The following CTNNA3 variants were observed in gnomAD, a reference collection of about 807,000 sequenced individuals.
CTNNA3 encodes the protein catenin alpha-3.
CTNNA3 carries 76 observed loss-of-function variants against 95.7 expected under a neutral mutation model. The observed-to-expected ratio is 0.79, with a 90% CI of 0.66 to 0.96. The LOEUF is 0.96. Among genes scored for constraint, CTNNA3 ranks in the 40% least tolerant of loss-of-function variants. The probability of loss-of-function intolerance (pLI) is 0.00; values close to 1 mark genes in which losing one functional copy is unlikely to be tolerated. For synonymous variants in CTNNA3, 431 were observed against 374.4 expected (o/e 1.15, Z -1.74); for missense variants, 1,191 against 1,089.8 (o/e 1.09, Z -1.31).
At chr10:66,698,641 G>A (rs1017881305) in intron 9 of CTNNA3, among the ~76,000 whole-genome samples, 13 of 152,126 alleles carry the variant, frequency 8.5e-5, no homozygotes, top group East Asian at 1.9e-4. Context: ...AATAGTTCAC[G>A]TAAGATGCAA....
chr10:66,824,335 T>C (rs1011115891), intron 7 of CTNNA3, among the ~76,000 whole-genome samples: 1 of 152,186 alleles, frequency 6.6e-6, no homozygotes, highest in African/African-American at 2.4e-5. Context: ...AGGATACAGC[T>C]AAGCATTTTA....
intron 7 of CTNNA3, among the ~76,000 whole-genome samples, chr10:66,874,096 T>C (rs1844518200): frequency 7.1e-6 from 1 of 140,972 alleles, no homozygotes; most frequent in South Asian, 2.3e-4. Context: ...ATAAAGCCAT[T>C]TGGGAGTCCT....
At chr10:66,777,533 T>C (rs556249266) in intron 7 of CTNNA3, among the ~76,000 whole-genome samples, 3 of 152,222 alleles carry the variant, frequency 2.0e-5, no homozygotes, top group Non-Finnish European at 4.4e-5. Flanking sequence ...CTACTCAGCA[T>C]TCTCTATGCT....
chr10:66,151,306 C>G (rs1259781172), intron 13 of CTNNA3, among the ~76,000 whole-genome samples: 1 of 151,688 alleles, frequency 6.6e-6, no homozygotes, highest in African/African-American at 2.4e-5. Flanking sequence ...AAAGTTTTCA[C>G]GAAGAAGCTC....
intron 10 of CTNNA3, among the ~76,000 whole-genome samples, chr10:66,619,306 A>C (rs1227233857): frequency 2.9e-4 from 42 of 146,258 alleles, no homozygotes; most frequent in African/African-American, 8.8e-4. Context: ...GACTTGGAAC[A>C]AACCCAAATG....
chr10:66,759,054 T>C (rs560825400), intron 9 of CTNNA3, among the ~76,000 whole-genome samples: 2 of 152,308 alleles, frequency 1.3e-5, no homozygotes, highest in Non-Finnish European at 2.9e-5. Context: ...CTATCTGAAA[T>C]TGAAAGTTGG....
At chr10:66,809,806 CTTT>C (rs71035181) in intron 7 of CTNNA3, among the ~76,000 whole-genome samples, 3 of 142,362 alleles carry the variant, frequency 2.1e-5, no homozygotes. Context: ...TTGCTGATTT[CTTT>C]TTTTTTTTTT....
intron 7 of CTNNA3, among the ~76,000 whole-genome samples, chr10:66,870,665 C>T (rs754088850): frequency 6.6e-6 from 1 of 152,158 alleles, no homozygotes; most frequent in Non-Finnish European, 1.5e-5. Flanking sequence ...ATTTCACCAT[C>T]TCTCCTCTGT....
chr10:66,180,703 A>T (rs1444380412), intron 13 of CTNNA3, among the ~76,000 whole-genome samples: 1 of 152,170 alleles, frequency 6.6e-6, no homozygotes, highest in Admixed American at 6.6e-5. Flanking sequence ...GTCTGAAAAG[A>T]TTATTCTGAG....
chr10:67,153,135 C>T (rs1564927684), intron 7 of CTNNA3, among the ~76,000 whole-genome samples: 1 of 152,042 alleles, frequency 6.6e-6, no homozygotes, highest in East Asian at 1.9e-4. Flanking sequence ...ACCACCACAC[C>T]CAGCTAATTT....
intron 9 of CTNNA3, among the ~76,000 whole-genome samples, chr10:66,677,564 G>A: frequency 6.6e-6 from 1 of 152,092 alleles, no homozygotes. Flanking sequence ...ATTGAATCAT[G>A]TGGGCGGAGC....
intron 5 of CTNNA3, among the ~76,000 whole-genome samples, chr10:67,514,948 C>T (rs763676104): frequency 1.3e-5 from 2 of 152,030 alleles, no homozygotes; most frequent in East Asian, 1.9e-4. Context: ...ACCTAAGTGC[C>T]ACCAATAAAC....
At chr10:66,182,515 A>G (rs531063735) in intron 13 of CTNNA3, among the ~76,000 whole-genome samples, 13 of 152,158 alleles carry the variant, frequency 8.5e-5, no homozygotes, top group Admixed American at 6.5e-4. Context: ...TCGGCCTCCC[A>G]AAGTGCTGGG....
At chr10:66,385,971 C>T (rs546543387) in intron 11 of CTNNA3, among the ~76,000 whole-genome samples, 2 of 152,168 alleles carry the variant, frequency 1.3e-5, no homozygotes, top group South Asian at 4.1e-4. Flanking sequence ...TATGACAAAC[C>T]CACAGCCCCC....
At chr10:66,534,855 T>A (rs1253529975) in intron 10 of CTNNA3, among the ~76,000 whole-genome samples, 2 of 151,606 alleles carry the variant, frequency 1.3e-5, no homozygotes, top group African/African-American at 4.9e-5. Flanking sequence ...GTATTAAAGT[T>A]TGGAAAGAAC....
intron 7 of CTNNA3, among the ~76,000 whole-genome samples, chr10:67,040,467 G>A (rs1854324673): frequency 6.6e-6 from 1 of 152,026 alleles, no homozygotes; most frequent in Non-Finnish European, 1.5e-5. Context: ...TTGGATTTGA[G>A]AGTGCCATGA....
At chr10:67,581,801 T>G (rs896479869) in intron 3 of CTNNA3, among the ~76,000 whole-genome samples, 3 of 152,212 alleles carry the variant, frequency 2.0e-5, no homozygotes, top group African/African-American at 7.2e-5. Flanking sequence ...GGTGTATGTG[T>G]CCAGGAATTT....
intron 7 of CTNNA3, among the ~76,000 whole-genome samples, chr10:66,872,773 G>C (rs1844463529): frequency 6.6e-6 from 1 of 151,898 alleles, no homozygotes; most frequent in Non-Finnish European, 1.5e-5. Flanking sequence ...TGACATCTAG[G>C]GTGTGGATAT....
At chr10:66,715,359 T>C (rs1377727837) in intron 9 of CTNNA3, among the ~76,000 whole-genome samples, 1 of 152,130 alleles carries the variant, frequency 6.6e-6, no homozygotes, top group Non-Finnish European at 1.5e-5. Context: ...TCTCTTGGAA[T>C]AGTTATGGCT....
Sources: allele counts gnomAD v4.1 joint callset (sites outside exome capture counted in the v4.1 genomes callset), GRCh38; gene constraint gnomAD v4.1.1; transcripts MANE v1.5; gene names NCBI Gene and HGNC (gene_info 2026-07-23, HGNC 2026-07-21).